KCNAB1: variants seen among roughly 807,000 people sequenced by gnomAD.
The protein encoded by KCNAB1 is voltage-gated potassium channel subunit beta-1.
Under a neutral mutation model 64.6 loss-of-function variants are expected in KCNAB1, and 35 were observed. The observed-to-expected ratio is 0.54, with a 90% CI of 0.41 to 0.72. The LOEUF (loss-of-function observed/expected upper bound fraction) is 0.72, where lower values mean the gene tolerates loss of function less well. Ranked by LOEUF, KCNAB1 falls within the 30% of genes least tolerant of loss-of-function variation. The pLI is 0.00. For missense variants in KCNAB1, 401 were observed against 512.9 expected (o/e 0.78, Z 2.11); for synonymous variants, 177 against 183.8 (o/e 0.96, Z 0.30).
At chr3:156,531,585 T>C in intron 13 of KCNAB1, 88 bp downstream of exon 13, 1 of 974,814 alleles carries the variant, frequency 1.0e-6, no homozygotes, top group Non-Finnish European at 1.7e-6. Flanking sequence ...TCCCCCTCTC[T>C]GTCCTGGGTG....
At chr3:156,129,485 A>G (rs188158219) in intron 1 of KCNAB1, among the ~76,000 whole-genome samples, 128 of 152,320 alleles carry the variant, frequency 8.4e-4, no homozygotes, top group Non-Finnish European at 1.5e-3. Context: ...GTCACCACAG[A>G]TATATAAACT....
chr3:156,495,843 A>G (rs368702771), intron 8 of KCNAB1, among the ~76,000 whole-genome samples: 3 of 152,176 alleles, frequency 2.0e-5, no homozygotes, highest in African/African-American at 7.2e-5. Context: ...AAGGTAAAAG[A>G]CCCTTAATAT....
intron 2 of KCNAB1, among the ~76,000 whole-genome samples, chr3:156,442,451 C>A (rs1717070017): frequency 6.6e-6 from 1 of 152,122 alleles, no homozygotes; most frequent in Admixed American, 6.6e-5. Context: ...GACAGATTTG[C>A]CCTGAAACAA....
intron 1 of KCNAB1, among the ~76,000 whole-genome samples, chr3:156,319,386 C>G (rs967292428): frequency 6.6e-6 from 1 of 152,224 alleles, no homozygotes; most frequent in African/African-American, 2.4e-5. Flanking sequence ...GTGGCATTGT[C>G]CATTGCTGTG....
In KCNAB1 at chr3:156,201,793, G is replaced by A. The variant is rs993097000; in HGVS notation, c.275+80907G>A. The stretch of plus-strand genomic sequence containing the variant: ...CCGTTGGTGAGTGCAGGTATGTAAA[G>A]TGGCATGTGGGAGGCTGCGGTGTGG... On this transcript the variant is annotated intron_variant, in intron 1 of 13. Transcript: ENST00000490337. 2.0e-5 allele frequency among the ~76,000 whole-genome samples: 3 copies of A among 152,334 alleles called. No homozygotes were observed. In the South Asian group the frequency reaches 6.2e-4, roughly 32 times the overall value.
At chr3:156,245,574 A>G (rs537696634) in intron 1 of KCNAB1, among the ~76,000 whole-genome samples, 26 of 152,300 alleles carry the variant, frequency 1.7e-4, no homozygotes, top group South Asian at 8.3e-4. Flanking sequence ...TTATATATGT[A>G]TATATTTAAG....
chr3:156,371,755 G>T (rs1009233115), intron 1 of KCNAB1, among the ~76,000 whole-genome samples: 1 of 151,924 alleles, frequency 6.6e-6, no homozygotes, highest in African/African-American at 2.4e-5. Context: ...AAAAATACTC[G>T]GTATAGCCAA....
intron 1 of KCNAB1, among the ~76,000 whole-genome samples, chr3:156,121,240 C>G (rs74438551): frequency 0.014 from 2,123 of 152,266 alleles, 24 homozygotes; most frequent in South Asian, 0.04. Context: ...TGCAATCTTT[C>G]AGCATTTCCT....
At chr3:156,190,119 C>T (rs772979675) in intron 1 of KCNAB1, among the ~76,000 whole-genome samples, 7 of 152,162 alleles carry the variant, frequency 4.6e-5, no homozygotes, top group African/African-American at 7.2e-5. Context: ...AGGAATTCTG[C>T]GAAGTTCACC....
intron 1 of KCNAB1, chr3:156,291,007 G>T: frequency 1.0e-6 from 1 of 985,748 alleles, no homozygotes; most frequent in Non-Finnish European, 1.2e-6. Flanking sequence ...CGTGTTCCGC[G>T]GCATAAGCAC....
intron 1 of KCNAB1, among the ~76,000 whole-genome samples, chr3:156,215,283 G>A (rs915255101): frequency 3.9e-5 from 6 of 152,196 alleles, no homozygotes; most frequent in Non-Finnish European, 7.3e-5. Context: ...CATAAGTCAT[G>A]GAGAGTTACC....
chr3:156,360,736 A>G (rs972103521), intron 1 of KCNAB1, among the ~76,000 whole-genome samples: 2 of 151,956 alleles, frequency 1.3e-5, no homozygotes, highest in African/African-American at 2.4e-5. Flanking sequence ...TAAAAAAAAA[A>G]AAAAGAAAAA....
intron 1 of KCNAB1, among the ~76,000 whole-genome samples, chr3:156,372,671 C>A (rs976393797): frequency 6.6e-6 from 1 of 152,178 alleles, no homozygotes; most frequent in Non-Finnish European, 1.5e-5. Flanking sequence ...TTGCCAGGAG[C>A]TGGGTTTGCC....
Position 156,501,574 on chromosome 3 carries a change from G to A in KCNAB1, c.659-12790G>A, listed in dbSNP as rs575686693. ...AGCCTCCTGAGGATCTGGGATTACA[G>A]GCATGTGCCACCATGCCTGGCTAAT... On this transcript the variant is annotated intron_variant, in intron 8 of 13. Transcript: ENST00000490337. Among the ~76,000 whole-genome samples, 317 of 151,964 alleles carry A rather than the reference G, an allele frequency of 2.1e-3. 4 individuals carry two copies. Among genetic ancestry groups the A allele is most frequent in the South Asian group, 9.6e-3 (46 of 4,796 alleles).
At chr3:156,408,428 G>A (rs1714405646) in intron 1 of KCNAB1, among the ~76,000 whole-genome samples, 1 of 152,150 alleles carries the variant, frequency 6.6e-6, no homozygotes, top group Non-Finnish European at 1.5e-5. Context: ...GATAAAATGG[G>A]AACAAGAGTG....
At chr3:156,402,055 T>C (rs1437792264) in intron 1 of KCNAB1, among the ~76,000 whole-genome samples, 2 of 151,876 alleles carry the variant, frequency 1.3e-5, no homozygotes, top group Admixed American at 6.6e-5. Context: ...ATGTAAATGA[T>C]GAGTTGGTGG....
intron 5 of KCNAB1, among the ~76,000 whole-genome samples, chr3:156,463,071 C>T (rs1713047910): frequency 6.6e-6 from 1 of 152,130 alleles, no homozygotes; most frequent in Non-Finnish European, 1.5e-5. Flanking sequence ...TAATAAGACA[C>T]TCAAAGACAT....
chr3:156,147,964 C>CAT (rs1553808786), intron 1 of KCNAB1, among the ~76,000 whole-genome samples: 5 of 151,402 alleles, frequency 3.3e-5, no homozygotes, highest in Non-Finnish European at 4.4e-5. Context: ...CACACACGCA[C>CAT]GCACACGCAC....
At chr3:156,268,801 C>A (rs1718868088) in intron 1 of KCNAB1, among the ~76,000 whole-genome samples, 2 of 152,078 alleles carry the variant, frequency 1.3e-5, no homozygotes, top group Admixed American at 1.3e-4. Flanking sequence ...AATATTTTCT[C>A]CCAGTATCTC....
Sources: gnomAD v4.1 joint callset for allele counts (sites outside exome capture counted in the v4.1 genomes callset) on GRCh38, gnomAD v4.1.1 for gene constraint, MANE v1.5 for transcripts, NCBI Gene and HGNC (gene_info 2026-07-23, HGNC 2026-07-21) for gene names.